Variants in WDR7 observed in about 807,000 individuals in gnomAD.
WDR7 encodes the protein WD repeat domain 7.
WDR7 carries 46 observed loss-of-function variants against 169.4 expected under a neutral mutation model. That is an observed-to-expected ratio of 0.27 (90% CI 0.21 to 0.35). The LOEUF (loss-of-function observed/expected upper bound fraction) is 0.35. Among genes scored for constraint, WDR7 ranks in the 10% least tolerant of loss-of-function variants. The probability of loss-of-function intolerance (pLI) is 1.00; values close to 1 mark genes in which losing one functional copy is unlikely to be tolerated. For synonymous variants in WDR7, 612 were observed against 666.8 expected, an observed-to-expected ratio of 0.92 and a Z score of 1.27; for missense variants, 1,534 against 1,859.3, an observed-to-expected ratio of 0.83 and a Z score of 3.22.
chr18:56,897,314 G>C (rs76582192), intron 21 of WDR7, among the ~76,000 whole-genome samples: 2 of 151,950 alleles, frequency 1.3e-5, no homozygotes, highest in Non-Finnish European at 2.9e-5. Context: ...CAGGAAACAT[G>C]TACAAGCATG....
At chr18:56,920,153 C>T (rs1410419443) in intron 21 of WDR7, among the ~76,000 whole-genome samples, 1 of 152,106 alleles carries the variant, frequency 6.6e-6, no homozygotes, top group Non-Finnish European at 1.5e-5. Flanking sequence ...CATGTTCCCT[C>T]TTATTTCCTG....
At chr18:56,995,705 G>T (rs1361629071) in intron 26 of WDR7, among the ~76,000 whole-genome samples, 1 of 152,070 alleles carries the variant, frequency 6.6e-6, no homozygotes, top group Non-Finnish European at 1.5e-5. Context: ...GATTTCATGA[G>T]AACTACTAGA....
At chr18:56,926,376 C>T (rs952200585) in intron 22 of WDR7, among the ~76,000 whole-genome samples, 1 of 152,138 alleles carries the variant, frequency 6.6e-6, no homozygotes, top group Non-Finnish European at 1.5e-5. Context: ...TCACATTTTT[C>T]GATTGTCTGA....
rs146173048 is a variant in WDR7, at chr18:56,889,598, A to G, written c.3526+9433A>G. On this transcript the variant is annotated intron_variant, in intron 21 of 27. Transcript: ENST00000254442. ...TTTGTGCAGACAATAAATTGAGGGCATAGGTTAAATTTTTTAAAAAGATTA... is the reference window on the plus strand; with the variant it reads ...TTTGTGCAGACAATAAATTGAGGGCGTAGGTTAAATTTTTTAAAAAGATTA... Among the ~76,000 whole-genome samples the G allele has an allele frequency of 2.4e-3, 363 of 152,336 alleles. 2 individuals carry two copies. Among genetic ancestry groups the G allele is most frequent in the African/African-American group, 8.2e-3 (341 of 41,590 alleles).
At chr18:56,691,426 C>T (rs565011991) in intron 8 of WDR7, 65 bp downstream of exon 8, 174 of 1,476,158 alleles carry the variant, frequency 1.2e-4, no homozygotes, top group Admixed American at 5.6e-4. Flanking sequence ...TAGGGTACAA[C>T]CTGACTTTAA....
chr18:56,834,952 C>T (rs1232606376), intron 20 of WDR7, among the ~76,000 whole-genome samples: 1 of 152,204 alleles, frequency 6.6e-6, no homozygotes, highest in Non-Finnish European at 1.5e-5. Flanking sequence ...AACAAGCCTT[C>T]TGTGTTGTCT....
rs1023009401 is a variant in WDR7 at position 56,814,939 on chromosome 18, C to T, written c.3191-1092C>T. 8.6e-5 allele frequency among the ~76,000 whole-genome samples: 13 copies of T among 151,990 alleles called. 1 individual carries two copies. Among genetic ancestry groups the T allele is most frequent in the Admixed American group, 8.5e-4 (13 of 15,248 alleles). ...GGTACCAAAATGGTGCGTTTTAGTC[C>T]ACAAGTTTAAATCCTTAGAGCTTGG... On this transcript the variant is annotated intron_variant, in intron 19 of 27. Transcript: ENST00000254442.
chr18:57,028,830 G>T lies in WDR7; in HGVS notation c.*1623G>T, dbSNP rs945092164. The stretch of plus-strand genomic sequence containing the variant: ...TACTGTTCCTTGGTTTTAGAGTTGG[G>T]TATTCTTTCAAAAGTGAATTTAGGC... On this transcript the variant is annotated 3_prime_UTR_variant, in exon 28 of 28. Coordinates refer to ENST00000254442, the MANE Select transcript of WDR7 (RefSeq NM_015285.3). The T allele has an allele frequency of 2.0e-5, 3 of 152,592 alleles. No individual in the cohort carries two copies. The highest frequency in any genetic ancestry group is 4.4e-5 in the Non-Finnish European group (3 of 68,030). 9.5% of individuals were successfully genotyped at this position (152,592 alleles called of 1,614,324 possible). A position where few individuals can be genotyped will look rare whatever the true frequency, so the allele number is the denominator to read the frequency against.
At chr18:56,984,024 T>A (rs2047680352) in intron 26 of WDR7, among the ~76,000 whole-genome samples, 1 of 145,374 alleles carries the variant, frequency 6.9e-6, no homozygotes, top group Non-Finnish European at 1.6e-5. Flanking sequence ...AGTCTTGAGC[T>A]AGGACACGTC....
chr18:56,891,325 A>G (rs2046260503), intron 21 of WDR7, among the ~76,000 whole-genome samples: 3 of 152,120 alleles, frequency 2.0e-5, no homozygotes, highest in Admixed American at 2.0e-4. Flanking sequence ...TCACCACATC[A>G]CAGCTGTGTG....
At chr18:56,968,015 A>T (rs2047435449) in intron 26 of WDR7, among the ~76,000 whole-genome samples, 1 of 152,214 alleles carries the variant, frequency 6.6e-6, no homozygotes, top group Non-Finnish European at 1.5e-5. Flanking sequence ...CAAGGGTGAG[A>T]AAACCACAGA....
At chr18:56,748,377 G>A (rs1045545654) in intron 14 of WDR7, among the ~76,000 whole-genome samples, 1 of 152,070 alleles carries the variant, frequency 6.6e-6, no homozygotes, top group African/African-American at 2.4e-5. Flanking sequence ...TGCTGTTGTG[G>A]AAGCTCTTAA....
At chr18:56,824,859 A>G (rs2045168527) in intron 20 of WDR7, among the ~76,000 whole-genome samples, 1 of 152,152 alleles carries the variant, frequency 6.6e-6, no homozygotes, top group Non-Finnish European at 1.5e-5. Flanking sequence ...TAAATAAGAA[A>G]AGATAGAACA....
intron 25 of WDR7, among the ~76,000 whole-genome samples, chr18:56,960,618 G>A (rs1254742674): frequency 6.6e-6 from 1 of 152,098 alleles, no homozygotes; most frequent in East Asian, 1.9e-4. Context: ...GTAGATGTAG[G>A]CACAGTTATG....
chr18:56,940,645 C>T (rs958277322), intron 25 of WDR7, among the ~76,000 whole-genome samples: 1 of 152,084 alleles, frequency 6.6e-6, no homozygotes. Context: ...TGTTATTTTT[C>T]CAGTTGACTA....
At chr18:56,985,610 AT>A (rs899206398) in intron 26 of WDR7, among the ~76,000 whole-genome samples, 8 of 152,042 alleles carry the variant, frequency 5.3e-5, no homozygotes, top group Non-Finnish European at 7.4e-5. Flanking sequence ...ACCTTGAAAT[AT>A]TTTTTTAATT....
At chr18:56,740,596 G>A (rs1360365234) in intron 14 of WDR7, among the ~76,000 whole-genome samples, 1 of 152,180 alleles carries the variant, frequency 6.6e-6, no homozygotes, top group East Asian at 1.9e-4. Context: ...ACTAACCTGA[G>A]TCAAGGCTAG....
intron 19 of WDR7, 97 bp downstream of exon 19, chr18:56,781,753 T>A: frequency 8.1e-7 from 1 of 1,235,376 alleles, no homozygotes; most frequent in South Asian, 3.0e-5. Flanking sequence ...TCAACAAAAA[T>A]GAGTCACTGA....
intron 20 of WDR7, among the ~76,000 whole-genome samples, chr18:56,852,277 T>C (rs2045652270): frequency 6.6e-6 from 1 of 152,154 alleles, no homozygotes; most frequent in Non-Finnish European, 1.5e-5. Flanking sequence ...GGGGGCTCAG[T>C]TGTTGAGAAA....
Sources: allele counts gnomAD v4.1 joint callset (sites outside exome capture counted in the v4.1 genomes callset), GRCh38; gene constraint gnomAD v4.1.1; transcripts MANE v1.5; gene names NCBI Gene and HGNC (gene_info 2026-07-23, HGNC 2026-07-21).